Variants in SHPK observed in about 807,000 individuals in gnomAD.
SHPK encodes carbohydrate kinase-like protein.
In SHPK, 51 loss-of-function variants were observed where a neutral mutation model predicts 46.3. The ratio of observed to expected loss-of-function variants is 1.10; its 90% CI spans 0.88 to 1.39. The LOEUF (loss-of-function observed/expected upper bound fraction) is 1.39. Among genes scored for constraint, SHPK ranks in the 40% most tolerant of loss-of-function variants. SHPK has a pLI of 0.00. For synonymous variants in SHPK, 290 were observed against 273.9 expected (o/e 1.06, Z -0.58); for missense variants, 668 against 641.3 (o/e 1.04, Z -0.45).
Position 3,610,545 on chromosome 17 carries a change from GAA to G in SHPK, c.*13_*14del, listed in dbSNP as rs757812433. 1.3e-6 allele frequency: 2 copies of G among 1,582,332 alleles called. No individual in the cohort carries two copies. Among genetic ancestry groups the G allele is most frequent in the Non-Finnish European group, 8.6e-7 (1 of 1,159,362 alleles). On this transcript the variant is annotated 3_prime_UTR_variant, in exon 7 of 7. Transcript: ENST00000225519. ...GTAAAATTCACAGCAGTCGTTTGGC[GAA>G]AGAGTTTGCTGTCTAAGATTCCTTC...
At chr17:3,617,148 A>G (rs538128308) in intron 5 of SHPK, among the ~76,000 whole-genome samples, 75 of 152,292 alleles carry the variant, frequency 4.9e-4, no homozygotes, top group South Asian at 1.2e-3. Context: ...CTGGGATTAC[A>G]GGTGTGAGCC....
chr17:3,617,305 A>T (rs2075375855), intron 5 of SHPK, among the ~76,000 whole-genome samples: 2 of 152,266 alleles, frequency 1.3e-5, no homozygotes, highest in South Asian at 4.1e-4. Context: ...CCTGCTGCAC[A>T]TTGGGAGGCC....
At chr17:3,635,199 AAGG>A (rs1236829665) in intron 1 of SHPK, among the ~76,000 whole-genome samples, 1 of 72,966 alleles carries the variant, frequency 1.4e-5, no homozygotes, top group East Asian at 4.1e-4. Context: ...AGAATGAAGG[AAGG>A]AAGGAAGGAA....
chr17:3,615,064 A>T (rs1016370870), intron 6 of SHPK, among the ~76,000 whole-genome samples: 2 of 152,068 alleles, frequency 1.3e-5, no homozygotes, highest in African/African-American at 4.8e-5. Flanking sequence ...GGGCGGGGGA[A>T]AGCTGGGGAG....
intron 5 of SHPK, chr17:3,619,615 C>T (rs1334372438): frequency 7.8e-6 from 3 of 382,808 alleles, no homozygotes; most frequent in Non-Finnish European, 1.5e-5. Flanking sequence ...CGCCTGTAGT[C>T]CCATCTACTC....
intron 6 of SHPK, among the ~76,000 whole-genome samples, chr17:3,612,037 C>G (rs2075343142): frequency 6.6e-6 from 1 of 151,614 alleles, no homozygotes; most frequent in Non-Finnish European, 1.5e-5. Flanking sequence ...CTCTCGACCT[C>G]AAGTGATCTA....
At position 3,608,661 on chromosome 17, in the gene SHPK, C is replaced by T. The variant is rs72834066; in HGVS notation, c.*1899G>A. ...CGTGGTTGACCGCAGATAACTGAAC[C>T]CATGGAAAGTGACACCGTGGATAAG... On this transcript the variant is annotated 3_prime_UTR_variant, in exon 7 of 7. Transcript: ENST00000225519. 8,537 of 152,254 alleles carry T rather than the reference C, an allele frequency of 0.056. 334 individuals are homozygous for T. Among genetic ancestry groups the T allele is most frequent in the Non-Finnish European group, 0.083 (5,642 of 68,030 alleles). 9.4% of individuals were successfully genotyped at this position (152,254 alleles called of 1,614,324 possible). A position where few individuals can be genotyped will look rare whatever the true frequency, so the allele number is the denominator to read the frequency against.
chr17:3,619,334 G>A, intron 5 of SHPK: 1 of 1,221,192 alleles, frequency 8.2e-7, no homozygotes, highest in Non-Finnish European at 1.2e-6. Context: ...TACGTGAGGT[G>A]AGAGTTATCT....
intron 6 of SHPK, among the ~76,000 whole-genome samples, chr17:3,614,847 C>CAAA (rs35009244): frequency 3.3e-5 from 3 of 91,816 alleles, no homozygotes; most frequent in Non-Finnish European, 2.1e-5. Context: ...GACTCCGTCT[C>CAAA]AAAAAAAAAA....
At chr17:3,611,780 AC>A (rs2075341393) in intron 6 of SHPK, among the ~76,000 whole-genome samples, 2 of 142,422 alleles carry the variant, frequency 1.4e-5, no homozygotes, top group African/African-American at 2.6e-5. Flanking sequence ...TCTCCCTGAC[AC>A]CACGTTAGCT....
At chr17:3,633,868 T>C (rs376722635) in intron 1 of SHPK, among the ~76,000 whole-genome samples, 88 of 152,074 alleles carry the variant, frequency 5.8e-4, no homozygotes, top group Non-Finnish European at 7.8e-4. Context: ...GGATGGTTGC[T>C]GTGTCTGTGT....
At chr17:3,623,742 C>T (rs533313232) in intron 3 of SHPK, among the ~76,000 whole-genome samples, 2 of 152,358 alleles carry the variant, frequency 1.3e-5, no homozygotes, top group African/African-American at 4.8e-5. Context: ...AAGCAGACGT[C>T]AGCCTCCTCA....
Position 3,622,675 on chromosome 17 carries a change from C to G in SHPK, c.647+664G>C, listed in dbSNP as rs534339415. 1.3e-4 allele frequency: 84 copies of G among 641,980 alleles called. No individual in the cohort carries two copies. In the African/African-American group the frequency reaches 1.5e-3, roughly 11 times the overall value. 39.8% of individuals were successfully genotyped at this position (641,980 alleles called of 1,614,324 possible). ...TGTTCAAAAAGAACTTAAAAGGCAT[C>G]CTTCAAGCCTACTATCTCTAGTTCT... is the stretch of plus-strand genomic sequence containing the variant. On this transcript the variant is annotated intron_variant, in intron 4 of 6. Coordinates refer to ENST00000225519, the MANE Select transcript of SHPK (RefSeq NM_013276.4).
intron 6 of SHPK, among the ~76,000 whole-genome samples, chr17:3,613,658 C>T (rs538642083): frequency 1.7e-4 from 26 of 152,250 alleles, no homozygotes; most frequent in Admixed American, 3.9e-4. Context: ...CATGAGCCAC[C>T]GCGCCTGGCT....
At chr17:3,632,759 T>C (rs1384388561) in intron 1 of SHPK, among the ~76,000 whole-genome samples, 1 of 152,136 alleles carries the variant, frequency 6.6e-6, no homozygotes, top group East Asian at 1.9e-4. Context: ...TCCTCAGGCC[T>C]CTTTTTACAG....
At chr17:3,621,851 C>T (rs760073710) in intron 4 of SHPK, among the ~76,000 whole-genome samples, 24 of 151,716 alleles carry the variant, frequency 1.6e-4, no homozygotes, top group Admixed American at 8.6e-4. Context: ...CGGGGTTTCG[C>T]CATCTTGGCC....
At chr17:3,614,622 T>G (rs998445375) in intron 6 of SHPK, among the ~76,000 whole-genome samples, 1 of 151,404 alleles carries the variant, frequency 6.6e-6, no homozygotes. Flanking sequence ...CCGAGGCGGG[T>G]GGATCACCTG....
chr17:3,615,283 T>C, intron 6 of SHPK, 54 bp downstream of exon 6: 1 of 1,566,014 alleles, frequency 6.4e-7, no homozygotes, highest in South Asian at 1.1e-5. Flanking sequence ...TCCGAGACCC[T>C]GCCGGGTAGA....
chr17:3,619,955 A>C (rs2075390555), intron 5 of SHPK: 1 of 188,822 alleles, frequency 5.3e-6, no homozygotes, highest in Non-Finnish European at 1.1e-5. Flanking sequence ...AAATGGTTGA[A>C]AAAAAATTAA....
Sources: allele counts gnomAD v4.1 joint callset (sites outside exome capture counted in the v4.1 genomes callset), GRCh38; gene constraint gnomAD v4.1.1; transcripts MANE v1.5; gene names NCBI Gene and HGNC (gene_info 2026-07-23, HGNC 2026-07-21).